LRRC7: variants seen among roughly 807,000 people sequenced by gnomAD.
LRRC7 encodes leucine rich repeat containing 7, also known as leucine-rich repeat-containing protein 7.
Under a neutral mutation model 175.7 loss-of-function variants are expected in LRRC7, and 23 were observed. That is an observed-to-expected ratio of 0.13 (90% CI 0.09 to 0.19). The LOEUF is 0.19. LRRC7 is among the 10% of genes least tolerant of loss of function. LRRC7 has a pLI of 1.00. For missense variants in LRRC7, 1,354 were observed against 1,904.7 expected (o/e 0.71, Z 5.38); for synonymous variants, 685 against 680.9 (o/e 1.01, Z -0.09).
At chr1:69,694,742 C>CA (rs533360327) in intron 2 of LRRC7, among the ~76,000 whole-genome samples, 1 of 151,866 alleles carries the variant, frequency 6.6e-6, no homozygotes, top group East Asian at 1.9e-4. Flanking sequence ...ACCCCTACCC[C>CA]CCCCCACTTC....
chr1:69,707,791 A>G (rs1664234243), intron 2 of LRRC7, among the ~76,000 whole-genome samples: 1 of 152,168 alleles, frequency 6.6e-6, no homozygotes, highest in Non-Finnish European at 1.5e-5. Flanking sequence ...GTGAGGAAGC[A>G]GACTCTTGCT....
chr1:69,847,039 AC>A (rs1682447402), intron 7 of LRRC7, among the ~76,000 whole-genome samples: 1 of 152,124 alleles, frequency 6.6e-6, no homozygotes, highest in Admixed American at 6.6e-5. Flanking sequence ...AAAATGTTTA[AC>A]TAAATGATCT....
At chr1:69,712,208 G>A (rs1269277799) in intron 2 of LRRC7, among the ~76,000 whole-genome samples, 3 of 150,486 alleles carry the variant, frequency 2.0e-5, no homozygotes, top group African/African-American at 7.3e-5. Flanking sequence ...CCCAACCAAT[G>A]AGGACAGTGG....
chr1:69,582,316 A>G (rs1646231176), intron 1 of LRRC7, among the ~76,000 whole-genome samples: 1 of 152,206 alleles, frequency 6.6e-6, no homozygotes, highest in South Asian at 2.1e-4. Flanking sequence ...GGCTTACACC[A>G]CAAACATTCA....
chr1:69,754,480 G>A (rs1014687894), intron 2 of LRRC7, among the ~76,000 whole-genome samples: 1 of 151,964 alleles, frequency 6.6e-6, no homozygotes, highest in Admixed American at 6.6e-5. Flanking sequence ...TAGGTCAGTG[G>A]TACTGCTGTT....
At chr1:70,106,419 C>T (rs1399390071) in intron 25 of LRRC7, among the ~76,000 whole-genome samples, 1 of 152,154 alleles carries the variant, frequency 6.6e-6, no homozygotes, top group Non-Finnish European at 1.5e-5. Flanking sequence ...GTTTCTTTCA[C>T]TGGGCATAGT....
At chr1:69,762,491 A>G (rs1273833995) in intron 3 of LRRC7, among the ~76,000 whole-genome samples, 1 of 152,028 alleles carries the variant, frequency 6.6e-6, no homozygotes, top group Admixed American at 6.6e-5. Flanking sequence ...AACTTGACCA[A>G]AAAGCACAGA....
At chr1:69,587,034 T>A (rs928587763) in intron 1 of LRRC7, among the ~76,000 whole-genome samples, 1 of 152,160 alleles carries the variant, frequency 6.6e-6, no homozygotes. Context: ...AAATATGTTG[T>A]ACATGTTTGC....
At chr1:69,666,965 A>G (rs1451973988) in intron 1 of LRRC7, among the ~76,000 whole-genome samples, 1 of 152,006 alleles carries the variant, frequency 6.6e-6, no homozygotes, top group East Asian at 1.9e-4. Flanking sequence ...CCTTCTTGGT[A>G]CTGCTTTTGC....
At chr1:69,904,664 T>C (rs1646240533) in intron 7 of LRRC7, among the ~76,000 whole-genome samples, 1 of 152,216 alleles carries the variant, frequency 6.6e-6, no homozygotes, top group African/African-American at 2.4e-5. Flanking sequence ...CTTTTTGTTT[T>C]TTTACATTTT....
chr1:69,981,134 G>A (rs1056276334), intron 9 of LRRC7, among the ~76,000 whole-genome samples: 10 of 151,510 alleles, frequency 6.6e-5, no homozygotes, highest in Non-Finnish European at 1.2e-4. Flanking sequence ...CACACCAAGA[G>A]AGAGAGACAG....
chr1:69,661,270 A>G (rs762118805), intron 1 of LRRC7, among the ~76,000 whole-genome samples: 3 of 152,150 alleles, frequency 2.0e-5, no homozygotes, highest in Non-Finnish European at 4.4e-5. Context: ...ATAAAAATTT[A>G]ATTTTTCCCA....
intron 3 of LRRC7, among the ~76,000 whole-genome samples, chr1:69,786,053 A>T (rs915085750): frequency 1.7e-4 from 26 of 151,894 alleles, no homozygotes; most frequent in African/African-American, 6.3e-4. Flanking sequence ...GTAACATCTC[A>T]CTCAAGTCAA....
At chr1:69,694,923 G>A (rs1578357) in intron 2 of LRRC7, among the ~76,000 whole-genome samples, 33,467 of 151,952 alleles carry the variant, frequency 0.22, 4,277 homozygotes, top group African/African-American at 0.33. Flanking sequence ...ACTCAGCCTC[G>A]GGTATTCCTT....
chr1:70,095,299 G>T (rs1480987008), intron 25 of LRRC7, among the ~76,000 whole-genome samples: 1 of 152,032 alleles, frequency 6.6e-6, no homozygotes. Flanking sequence ...TAAATTTCAA[G>T]CATAAGTTCT....
chr1:69,664,741 C>A (rs903792719), intron 1 of LRRC7, among the ~76,000 whole-genome samples: 2 of 152,110 alleles, frequency 1.3e-5, no homozygotes, highest in African/African-American at 2.4e-5. Flanking sequence ...ATATCTTCTC[C>A]AATTCTGTGG....
At chr1:69,886,956 T>G (rs1394056007) in intron 7 of LRRC7, among the ~76,000 whole-genome samples, 1 of 151,994 alleles carries the variant, frequency 6.6e-6, no homozygotes. Context: ...CCCACTCCCT[T>G]GTGGCTTGTA....
chr1:69,878,666 G>A (rs1442666121), intron 7 of LRRC7, among the ~76,000 whole-genome samples: 1 of 151,908 alleles, frequency 6.6e-6, no homozygotes, highest in Non-Finnish European at 1.5e-5. Flanking sequence ...AAGATAAAGC[G>A]AATTTTGGAG....
At chr1:69,622,755 G>C (rs1175566795) in intron 1 of LRRC7, among the ~76,000 whole-genome samples, 1 of 152,164 alleles carries the variant, frequency 6.6e-6, no homozygotes, top group Non-Finnish European at 1.5e-5. Context: ...TTTCCAAGGA[G>C]AGGAGAGATC....
Sources: gnomAD v4.1 joint callset for allele counts (sites outside exome capture counted in the v4.1 genomes callset) on GRCh38, gnomAD v4.1.1 for gene constraint, MANE v1.5 for transcripts, NCBI Gene and HGNC (gene_info 2026-07-23, HGNC 2026-07-21) for gene names.